UGT2A2: variants seen among roughly 807,000 people sequenced by gnomAD.
The protein encoded by UGT2A2 is UDP-glucuronosyltransferase 2A2.
Under a neutral mutation model 50.7 loss-of-function variants are expected in UGT2A2, and 60 were observed. That is an observed-to-expected ratio of 1.18 (90% CI 0.96 to 1.47). The LOEUF (loss-of-function observed/expected upper bound fraction) is 1.47, where lower values mean the gene tolerates loss of function less well. Ranked by LOEUF, UGT2A2 falls within the 40% of genes most tolerant of loss-of-function variation. The pLI is 0.00. For synonymous variants in UGT2A2, 242 were observed against 214.6 expected, an observed-to-expected ratio of 1.13 and a Z score of -1.11; for missense variants, 762 against 634.0, an observed-to-expected ratio of 1.20 and a Z score of -2.17.
Position 69,605,141 on chromosome 4 carries a change from C to T in UGT2A2, c.743-5747G>A, listed in dbSNP as rs1358276914. 1.2e-4 allele frequency among the ~76,000 whole-genome samples: 17 copies of T among 137,026 alleles called. 6 individuals are homozygous for T. Among genetic ancestry groups the T allele is most frequent in the African/African-American group, 5.0e-4 (17 of 33,818 alleles). The allele number at this position is 137,026 out of a possible 152,430, so 89.9% of individuals were successfully genotyped here. On this transcript the variant is annotated intron_variant, in intron 1 of 5. Transcript: ENST00000604629. ...ACATTCTTCTCAGCACCACACCGCACTTATTCCAAAATTGACCACATAGTT... is the reference window on the plus strand; with the variant it reads ...ACATTCTTCTCAGCACCACACCGCATTTATTCCAAAATTGACCACATAGTT...
intron 1 of UGT2A2, among the ~76,000 whole-genome samples, chr4:69,607,503 G>A (rs1719716110): frequency 1.3e-5 from 2 of 151,818 alleles, no homozygotes; most frequent in South Asian, 4.2e-4. Context: ...CAGGACATAG[G>A]CATGGGCAAG....
intron 1 of UGT2A2, among the ~76,000 whole-genome samples, chr4:69,636,728 T>C (rs1021464970): frequency 5.3e-5 from 8 of 152,170 alleles, no homozygotes; most frequent in Non-Finnish European, 1.0e-4. Flanking sequence ...CATTGCAGAT[T>C]TCCTAAGTAG....
chr4:69,632,477 G>T (rs1265371723), intron 1 of UGT2A2, among the ~76,000 whole-genome samples: 1 of 152,114 alleles, frequency 6.6e-6, no homozygotes, highest in African/African-American at 2.4e-5. Context: ...TAGGCCAAAA[G>T]AGCATAATCT....
At position 69,604,430 on chromosome 4, in the gene UGT2A2, TAGAA is replaced by T. The variant is rs1399769319; in HGVS notation, c.743-5040_743-5037del. On this transcript the variant is annotated intron_variant, in intron 1 of 5. Transcript: ENST00000604629. Reference sequence around the variant, plus strand: ...GAGCTCCTGAAGGAAGCACTAAACATAGAAAGGAACAACCAGTACCAGCCACTGC... The same window carrying T: ...GAGCTCCTGAAGGAAGCACTAAACATAGGAACAACCAGTACCAGCCACTGC... 1.5e-5 allele frequency among the ~76,000 whole-genome samples: 2 copies of T among 136,396 alleles called. 1 individual carries two copies. Among genetic ancestry groups the T allele is most frequent in the African/African-American group, 5.9e-5 (2 of 33,712 alleles). 89.5% of individuals were successfully genotyped at this position (136,396 alleles called of 152,430 possible). A position where few individuals can be genotyped will look rare whatever the true frequency, so the allele number is the denominator to read the frequency against.
intron 1 of UGT2A2, among the ~76,000 whole-genome samples, chr4:69,601,016 A>T (rs1418556394): frequency 6.6e-6 from 1 of 152,094 alleles, no homozygotes; most frequent in East Asian, 1.9e-4. Context: ...AAGGCTTATG[A>T]CCTGGGGCAT....
At chr4:69,603,805 G>C (rs562906427) in intron 1 of UGT2A2, among the ~76,000 whole-genome samples, 2 of 137,028 alleles carry the variant, frequency 1.5e-5, no homozygotes, top group Admixed American at 7.2e-5. Context: ...TCAACTGGAA[G>C]AAAGGGTATC....
At chr4:69,610,590 C>G (rs570086912) in intron 1 of UGT2A2, among the ~76,000 whole-genome samples, 7 of 152,152 alleles carry the variant, frequency 4.6e-5, no homozygotes, top group African/African-American at 1.7e-4. Flanking sequence ...GTATATGAAG[C>G]CTGACTGTAT....
At chr4:69,599,563 TGGAAGAAAGGAAGGA>T in intron 1 of UGT2A2, 169 bp from the exon 2 acceptor site, 1 of 965,322 alleles carries the variant, frequency 1.0e-6, no homozygotes, top group Non-Finnish European at 1.4e-6. Flanking sequence ...TTAAAGAGGA[TGGAAGAAAGGAAGGA>T]GGAAGGAAGA....
At chr4:69,599,691 A>C (rs1719149344) in intron 1 of UGT2A2, 1 of 193,656 alleles carries the variant, frequency 5.2e-6, no homozygotes, top group Non-Finnish European at 1.0e-5. Flanking sequence ...GGTAGAAATA[A>C]AGAAAGAGAG....
chr4:69,622,594 T>G (rs1720814893), intron 1 of UGT2A2, among the ~76,000 whole-genome samples: 1 of 151,682 alleles, frequency 6.6e-6, no homozygotes, highest in Non-Finnish European at 1.5e-5. Context: ...ATATATTATA[T>G]CTTAATATTA....
intron 1 of UGT2A2, among the ~76,000 whole-genome samples, chr4:69,628,877 C>T (rs1258292929): frequency 6.6e-6 from 1 of 151,450 alleles, no homozygotes; most frequent in Non-Finnish European, 1.5e-5. Context: ...AAGGAATCTA[C>T]AGCCACTATT....
intron 1 of UGT2A2, among the ~76,000 whole-genome samples, chr4:69,612,496 C>T (rs1233155097): frequency 6.6e-6 from 1 of 151,702 alleles, no homozygotes; most frequent in South Asian, 2.1e-4. Flanking sequence ...TATAAGACTA[C>T]AGTAATTTAA....
In UGT2A2 at chr4:69,630,602, A is replaced by G. The variant is rs558713140; in HGVS notation, c.742+8297T>C. On this transcript the variant is annotated intron_variant, in intron 1 of 5. Transcript: ENST00000604629. ...AGGGTCATAAACAGGGAATTATAAA[A>G]TAGGCCTCTAAGAAAACCCCAGAGG... Among the ~76,000 whole-genome samples, 7 of 152,328 alleles carry G rather than the reference A, an allele frequency of 4.6e-5. No individual in the cohort carries two copies. The South Asian group carries it at 1.5e-3, about 32-fold the overall frequency.
intron 1 of UGT2A2, chr4:69,635,828 C>CAAAAAAAAAAACAAAAAAAAAAAA (rs1721659228): frequency 2.0e-5 from 1 of 49,134 alleles, no homozygotes; most frequent in African/African-American, 6.6e-5. Flanking sequence ...TCCACCTCAC[C>CAAAAAAAAAAACAAAAAAAAAAAA]AAAAAAAAAA....
intron 1 of UGT2A2, among the ~76,000 whole-genome samples, chr4:69,620,640 A>C (rs1322739028): frequency 6.8e-6 from 1 of 146,722 alleles, no homozygotes; most frequent in African/African-American, 2.5e-5. Flanking sequence ...CTATTTTAAA[A>C]TATATATATG....
At chr4:69,622,396 A>T (rs1720804782) in intron 1 of UGT2A2, among the ~76,000 whole-genome samples, 1 of 151,740 alleles carries the variant, frequency 6.6e-6, no homozygotes, top group Admixed American at 6.6e-5. Flanking sequence ...AAAAATACGA[A>T]TTATTTAATT....
At chr4:69,619,693 A>G (rs974300602) in intron 1 of UGT2A2, among the ~76,000 whole-genome samples, 1 of 152,110 alleles carries the variant, frequency 6.6e-6, no homozygotes, top group East Asian at 1.9e-4. Context: ...CAGAAACACA[A>G]CAAAAAATAA....
chr4:69,615,202 T>G (rs1333097152), intron 1 of UGT2A2, among the ~76,000 whole-genome samples: 5 of 151,974 alleles, frequency 3.3e-5, no homozygotes, highest in Non-Finnish European at 7.4e-5. Flanking sequence ...CAAATCACCC[T>G]GAAAAATTAA....
At chr4:69,614,408 A>T (rs1720248677) in intron 1 of UGT2A2, among the ~76,000 whole-genome samples, 1 of 151,870 alleles carries the variant, frequency 6.6e-6, no homozygotes, top group African/African-American at 2.4e-5. Context: ...AACAAGTTAC[A>T]GATTCATTGC....
Sources: allele counts gnomAD v4.1 joint callset (sites outside exome capture counted in the v4.1 genomes callset), GRCh38; gene constraint gnomAD v4.1.1; transcripts MANE v1.5; gene names NCBI Gene and HGNC (gene_info 2026-07-23, HGNC 2026-07-21).